Variants in SRPK2 observed in about 807,000 individuals in gnomAD.
SRPK2 encodes the protein SFRS protein kinase 2.
Under a neutral mutation model 90.8 loss-of-function variants are expected in SRPK2, and 21 were observed. The observed-to-expected ratio is 0.23, with a 90% CI of 0.16 to 0.33. The LOEUF is 0.33. SRPK2 is among the 10% of genes least tolerant of loss of function. SRPK2 has a pLI of 1.00. For synonymous variants in SRPK2, 288 were observed against 311.1 expected, an observed-to-expected ratio of 0.93 and a Z score of 0.78; for missense variants, 620 against 869.0, an observed-to-expected ratio of 0.71 and a Z score of 3.60.
At chr7:105,159,739 G>T (rs913600984) in intron 7 of SRPK2, among the ~76,000 whole-genome samples, 1 of 152,088 alleles carries the variant, frequency 6.6e-6, no homozygotes, top group African/African-American at 2.4e-5. Context: ...CCCTAGCTGA[G>T]GGTTTTCTTC....
At chr7:105,366,895 T>A (rs1448452564) in intron 2 of SRPK2, among the ~76,000 whole-genome samples, 2 of 152,176 alleles carry the variant, frequency 1.3e-5, no homozygotes, top group African/African-American at 4.8e-5. Flanking sequence ...AAGATGCATA[T>A]CAAGCAATTT....
At chr7:105,125,973 G>A (rs1164393538) in intron 15 of SRPK2, 2 of 700,296 alleles carry the variant, frequency 2.9e-6, no homozygotes, top group Non-Finnish European at 4.6e-6. Flanking sequence ...CAGAAACAGA[G>A]CGCAACTTGA....
At chr7:105,174,910 G>A (rs531451293) in intron 3 of SRPK2, among the ~76,000 whole-genome samples, 48 of 152,142 alleles carry the variant, frequency 3.2e-4, no homozygotes, top group African/African-American at 6.5e-4. Context: ...TTGGGAGGCC[G>A]AGGCAGGTGG....
intron 7 of SRPK2, among the ~76,000 whole-genome samples, chr7:105,149,200 C>T (rs1055304097): frequency 1.3e-5 from 2 of 152,106 alleles, no homozygotes; most frequent in Non-Finnish European, 2.9e-5. Context: ...GTATAAAACC[C>T]GATTATACAT....
At chr7:105,180,694 G>T (rs1379022920) in intron 3 of SRPK2, among the ~76,000 whole-genome samples, 2 of 152,150 alleles carry the variant, frequency 1.3e-5, no homozygotes, top group Non-Finnish European at 1.5e-5. Flanking sequence ...GGAGATGAAG[G>T]TTGCAGTGAG....
intron 2 of SRPK2, among the ~76,000 whole-genome samples, chr7:105,374,056 T>G (rs975745226): frequency 6.6e-6 from 1 of 152,156 alleles, no homozygotes; most frequent in African/African-American, 2.4e-5. Flanking sequence ...GCCTCCCAAG[T>G]AGCTGGGATT....
intron 2 of SRPK2, among the ~76,000 whole-genome samples, chr7:105,266,148 GC>G (rs1480807309): frequency 6.6e-6 from 1 of 151,862 alleles, no homozygotes; most frequent in East Asian, 1.9e-4. Context: ...TCCCAATTTA[GC>G]CCCCCAAACA....
At chr7:105,118,349 T>G (rs1799849581) in intron 15 of SRPK2, among the ~76,000 whole-genome samples, 1 of 152,196 alleles carries the variant, frequency 6.6e-6, no homozygotes, top group Non-Finnish European at 1.5e-5. Flanking sequence ...CCACTCTCAT[T>G]TCAACCTGGG....
At chr7:105,380,344 C>T (rs2132639377) in intron 2 of SRPK2, among the ~76,000 whole-genome samples, 1 of 151,850 alleles carries the variant, frequency 6.6e-6, no homozygotes, top group Non-Finnish European at 1.5e-5. Context: ...GTTGGCCAGG[C>T]TGGTCTCAAA....
intron 2 of SRPK2, chr7:105,204,499 C>T (rs138551705): frequency 2.5e-4 from 90 of 355,828 alleles, no homozygotes; most frequent in East Asian, 1.7e-3. Context: ...TGCCCCAGTG[C>T]GGGGAAATAG....
At chr7:105,326,279 T>G (rs1199383522) in intron 2 of SRPK2, among the ~76,000 whole-genome samples, 1 of 152,190 alleles carries the variant, frequency 6.6e-6, no homozygotes, top group African/African-American at 2.4e-5. Context: ...GCTTTCACTT[T>G]TACCACTCTA....
chr7:105,335,791 T>TA (rs569868911), intron 2 of SRPK2, among the ~76,000 whole-genome samples: 201 of 151,004 alleles, frequency 1.3e-3, no homozygotes, highest in African/African-American at 2.1e-3. Context: ...CCGACTCTAC[T>TA]AAAAAAAACA....
chr7:105,263,535 T>C (rs1804620971), intron 2 of SRPK2, among the ~76,000 whole-genome samples: 1 of 152,208 alleles, frequency 6.6e-6, no homozygotes. Flanking sequence ...CAAAAGCTTA[T>C]CCAGAGGGTT....
chr7:105,279,506 G>T (rs189150635), intron 2 of SRPK2, among the ~76,000 whole-genome samples: 2 of 152,036 alleles, frequency 1.3e-5, no homozygotes, highest in Non-Finnish European at 2.9e-5. Context: ...CCCCCAGGAG[G>T]GTGTGAACAA....
At chr7:105,223,390 T>C (rs576411067) in intron 2 of SRPK2, among the ~76,000 whole-genome samples, 23 of 152,338 alleles carry the variant, frequency 1.5e-4, no homozygotes, top group East Asian at 5.8e-4. Flanking sequence ...GGCTGTTTCT[T>C]TGCACTTTGT....
chr7:105,205,513 TCTCTCACACACACACACACACACACACA>T (rs1796092675), intron 2 of SRPK2, among the ~76,000 whole-genome samples: 2 of 61,208 alleles, frequency 3.3e-5, no homozygotes, highest in East Asian at 3.6e-4. Context: ...TCTCTCTCTC[TCTCTCACACACACACACACACACACACA>T]CACACACACA....
chr7:105,125,674 C>A, intron 15 of SRPK2: 1 of 389,228 alleles, frequency 2.6e-6, no homozygotes, highest in Non-Finnish European at 4.5e-6. Flanking sequence ...GGAAGAATTC[C>A]CCAGTTGTGA....
rs181440073 is a variant in SRPK2, at chr7:105,166,075, T to C, written c.514+1302A>G. ...GACACATTACGACTAAGGCCATCCA[T>C]CCTTTTAAAAAACATGAGAAACACC... is the stretch of plus-strand genomic sequence containing the variant. On this transcript the variant is annotated intron_variant, in intron 6 of 15. Coordinates refer to ENST00000393651, the MANE Select transcript of SRPK2 (RefSeq NM_182692.3). 3.0e-3 allele frequency among the ~76,000 whole-genome samples: 463 copies of C among 152,262 alleles called. 1 individual carries two copies. The highest frequency in any genetic ancestry group is 0.01 in the African/African-American group (432 of 41,548).
At chr7:105,351,816 A>AG (rs1817223958) in intron 2 of SRPK2, among the ~76,000 whole-genome samples, 3 of 150,278 alleles carry the variant, frequency 2.0e-5, no homozygotes, top group Non-Finnish European at 4.4e-5. Flanking sequence ...AAAAAAAAAA[A>AG]AAAGAAGAAG....
Sources: gnomAD v4.1 joint callset for allele counts (sites outside exome capture counted in the v4.1 genomes callset) on GRCh38, gnomAD v4.1.1 for gene constraint, MANE v1.5 for transcripts, NCBI Gene and HGNC (gene_info 2026-07-23, HGNC 2026-07-21) for gene names.